ASB15: variants seen among roughly 807,000 people sequenced by gnomAD.
The protein encoded by ASB15 is ankyrin repeat and SOCS box protein 15.
Under a neutral mutation model 58.0 loss-of-function variants are expected in ASB15, and 54 were observed. The observed-to-expected ratio is 0.93, with a 90% confidence interval of 0.75 to 1.17. The LOEUF is 1.17. Ranked by LOEUF, ASB15 falls within the 50% of genes most tolerant of loss-of-function variation. ASB15 has a pLI of 0.00. For synonymous variants in ASB15, 249 were observed against 262.4 expected, an observed-to-expected ratio of 0.95 and a Z score of 0.50; for missense variants, 680 against 707.4, an observed-to-expected ratio of 0.96 and a Z score of 0.44.
At chr7:123,617,814 G>A (rs574779619) in intron 7 of ASB15, 77 bp downstream of exon 7, 2 of 1,372,512 alleles carry the variant, frequency 1.5e-6, no homozygotes, top group East Asian at 4.8e-5. Context: ...CTGTATAATG[G>A]CTAAAATTGT....
intron 1 of ASB15, among the ~76,000 whole-genome samples, chr7:123,594,418 C>T (rs991554620): frequency 7.2e-5 from 11 of 152,098 alleles, no homozygotes; most frequent in African/African-American, 2.4e-4. Context: ...TTTGTGGTTT[C>T]ATTTGCCTTT....
chr7:123,633,293 CATAG>C (rs1802222172), intron 11 of ASB15, among the ~76,000 whole-genome samples: 1 of 151,752 alleles, frequency 6.6e-6, no homozygotes, highest in African/African-American at 2.4e-5. Flanking sequence ...AATATTAGTA[CATAG>C]ATAAAATAAA....
At chr7:123,633,568 A>G (rs555457583) in intron 11 of ASB15, among the ~76,000 whole-genome samples, 1 of 152,218 alleles carries the variant, frequency 6.6e-6, no homozygotes, top group South Asian at 2.1e-4. Context: ...ATAAACTCAT[A>G]AGCTATTTTA....
Position 123,616,384 on chromosome 7 carries a change from G to A in ASB15, c.181G>A (p.Glu61Lys), listed in dbSNP as rs1272694122. 1.9e-6 allele frequency: 3 copies of A among 1,609,408 alleles called. No homozygotes were observed. The East Asian group carries it at 6.7e-5, about 36-fold the overall frequency. ...IKQGHIPELQEYVKYKYAMDE... is the reference protein window; with the variant it reads ...IKQGHIPELQKYVKYKYAMDE... ...TTTAGGTCACATTCCTGAGCTCCAG[G>A]AGTATGTAAAATATAAATATGCAAT... Residue 61 changes from glutamate to lysine, a missense_variant, in exon 6 of 12, where the codon GAG becomes AAG. Glu to Lys is a moderately conservative substitution (Grantham distance 56). Coordinates refer to ENST00000451215, the MANE Select transcript of ASB15 (RefSeq NM_001290258.2).
chr7:123,567,452 C>G (rs918899387), intron 1 of ASB15, among the ~76,000 whole-genome samples: 9 of 152,132 alleles, frequency 5.9e-5, no homozygotes, highest in Non-Finnish European at 4.4e-5. Context: ...CTAGCCTATC[C>G]AATAAAAGAG....
intron 10 of ASB15, 143 bp downstream of exon 10, chr7:123,629,577 A>G: frequency 1.4e-6 from 1 of 711,804 alleles, no homozygotes; most frequent in Non-Finnish European, 2.3e-6. Flanking sequence ...ATGCAATGAT[A>G]CAGGGATATA....
chr7:123,597,466 GA>G (rs1029798303), upstream of ASB15, among the ~76,000 whole-genome samples: 2 of 151,990 alleles, frequency 1.3e-5, no homozygotes, highest in East Asian at 1.9e-4. Flanking sequence ...CTATGTATAG[GA>G]AAAAAACCAG....
rs1423460491 is a variant in ASB15, at chr7:123,602,389, A to T, written c.-245+475A>T. 5.9e-5 allele frequency among the ~76,000 whole-genome samples: 9 copies of T among 152,274 alleles called. No individual in the cohort carries two copies. In the East Asian group the frequency reaches 1.7e-3, roughly 29 times the overall value. On this transcript the variant is annotated intron_variant, in intron 1 of 11. Transcript: ENST00000451215. ...ATTAGTTAGATTTTTTAAAAAATAA[A>T]CCGAATAGAATTGGAAATTTACTCC... is the stretch of plus-strand genomic sequence containing the variant.
intron 2 of ASB15, 145 bp from the exon 3 acceptor site, chr7:123,608,449 T>A (rs1035778748): frequency 2.6e-5 from 4 of 152,218 alleles, no homozygotes; most frequent in Admixed American, 2.0e-4. Context: ...TGAGTTGTGT[T>A]TCTTCGAAGT....
At chr7:123,581,005 G>C (rs539950984) in intron 1 of ASB15, among the ~76,000 whole-genome samples, 2 of 151,946 alleles carry the variant, frequency 1.3e-5, no homozygotes, top group Middle Eastern at 3.2e-3. Context: ...GTCCATTCCT[G>C]TGTGACTCTC....
Position 123,620,528 on chromosome 7 carries a change from ATATATATATATATATATATATATATATTT to A in ASB15, c.451+2793_451+2821del, listed in dbSNP as rs1309250192. Among the ~76,000 whole-genome samples the A allele has an allele frequency of 3.8e-3, 63 of 16,504 alleles. 5 individuals are homozygous for A. The highest frequency in any genetic ancestry group is 6.0e-3 in the Non-Finnish European group (49 of 8,146). The allele number at this position is 16,504 out of a possible 152,430, so 10.8% of individuals were successfully genotyped here. A position where few individuals can be genotyped will look rare whatever the true frequency, so the allele number is the denominator to read the frequency against. On this transcript the variant is annotated intron_variant, in intron 7 of 11. Transcript: ENST00000451215. Reference sequence around the variant, plus strand: ...CATACATATATATATATATATATATATATATATATATATATATATATATATATTTTTTTTTTTTTTTTTTTTTTTTTTTT... The same window carrying A: ...CATACATATATATATATATATATATATTTTTTTTTTTTTTTTTTTTTTTTT...
intron 9 of ASB15, among the ~76,000 whole-genome samples, chr7:123,627,519 T>C (rs1185073589): frequency 2.0e-5 from 3 of 152,224 alleles, no homozygotes; most frequent in Non-Finnish European, 4.4e-5. Flanking sequence ...AATTTTCTTT[T>C]AGAAGGAATT....
chr7:123,589,520 T>G (rs1799473021), intron 1 of ASB15, among the ~76,000 whole-genome samples: 1 of 152,022 alleles, frequency 6.6e-6, no homozygotes, highest in Admixed American at 6.6e-5. Context: ...CTTCTCTCTG[T>G]CCCTGTGTTC....
chr7:123,606,685 C>A (rs1800162791), intron 2 of ASB15, among the ~76,000 whole-genome samples: 1 of 152,148 alleles, frequency 6.6e-6, no homozygotes, highest in Non-Finnish European at 1.5e-5. Flanking sequence ...TTTTTAGATT[C>A]CACAGATAAA....
intron 11 of ASB15, among the ~76,000 whole-genome samples, chr7:123,631,458 T>C (rs1286329163): frequency 2.6e-5 from 4 of 152,224 alleles, no homozygotes; most frequent in African/African-American, 7.2e-5. Context: ...AGTATTATCA[T>C]GCTTATTTTT....
rs1241834972 is a variant in ASB15 at position 123,632,897 on chromosome 7, T to C, written c.1594+2778T>C. On this transcript the variant is annotated intron_variant, in intron 11 of 11. Transcript: ENST00000451215. ...ACAAGTGACTTATAAGAGAAAAAAATAGATTATTATTAAACTTTTCATCAA... is the reference window on the plus strand; with the variant it reads ...ACAAGTGACTTATAAGAGAAAAAAACAGATTATTATTAAACTTTTCATCAA... Among the ~76,000 whole-genome samples, 3 of 152,066 alleles carry C rather than the reference T, an allele frequency of 2.0e-5. No homozygotes were observed. The South Asian group carries it at 6.2e-4, about 32-fold the overall frequency.
At chr7:123,616,595 G>T in intron 6 of ASB15, 100 bp downstream of exon 6, 2 of 1,279,702 alleles carry the variant, frequency 1.6e-6, no homozygotes, top group Non-Finnish European at 2.1e-6. Context: ...GAAAGAAAAG[G>T]CAGATTAAAA....
At chr7:123,591,520 G>T (rs1437551897) in intron 1 of ASB15, among the ~76,000 whole-genome samples, 1 of 152,086 alleles carries the variant, frequency 6.6e-6, no homozygotes, top group Non-Finnish European at 1.5e-5. Context: ...GGCTGTTGAA[G>T]TTTGTCGAAG....
chr7:123,571,818 G>A (rs982944180), intron 1 of ASB15, among the ~76,000 whole-genome samples: 4 of 152,192 alleles, frequency 2.6e-5, no homozygotes, highest in African/African-American at 4.8e-5. Context: ...AAGCTGGAGT[G>A]CAGTGGCATG....
Sources: allele counts gnomAD v4.1 joint callset (sites outside exome capture counted in the v4.1 genomes callset), GRCh38; gene constraint gnomAD v4.1.1; transcripts MANE v1.5; gene names NCBI Gene and HGNC (gene_info 2026-07-23, HGNC 2026-07-21).